PIK3C2G: variants seen among roughly 807,000 people sequenced by gnomAD.
PIK3C2G encodes phosphatidylinositol 3-kinase C2 domain-containing subunit gamma.
Under a neutral mutation model 181.1 loss-of-function variants are expected in PIK3C2G, and 168 were observed. That is an observed-to-expected ratio of 0.93 (90% CI 0.82 to 1.05). The LOEUF is 1.05. Ranked by LOEUF, PIK3C2G falls within the 50% of genes least tolerant of loss-of-function variation. The pLI is 0.00. For missense variants in PIK3C2G, 1,869 were observed against 1,732.8 expected, an observed-to-expected ratio of 1.08 and a Z score of -1.40; for synonymous variants, 573 against 592.2, an observed-to-expected ratio of 0.97 and a Z score of 0.47.
At chr12:18,438,106 C>T (rs1946545257) in intron 18 of PIK3C2G, among the ~76,000 whole-genome samples, 1 of 151,816 alleles carries the variant, frequency 6.6e-6, no homozygotes, top group African/African-American at 2.4e-5. Context: ...ATTTTTCCAA[C>T]CCTTTTGTCT....
At chr12:18,607,157 G>A (rs200343958) in intron 30 of PIK3C2G, 21 of 516,188 alleles carry the variant, frequency 4.1e-5, no homozygotes, top group Non-Finnish European at 6.6e-5. Flanking sequence ...ACTATTTTGC[G>A]TTTTAATTAA....
chr12:18,695,119 G>A, the PIK3C2G span: 4 of 1,573,630 alleles, frequency 2.5e-6, no homozygotes, highest in South Asian at 1.1e-5. Context: ...AGGTAATAGA[G>A]AATACAAATA....
chr12:18,657,131 T>C, the PIK3C2G span, among the ~76,000 whole-genome samples: 1 of 152,142 alleles, frequency 6.6e-6, no homozygotes, highest in Non-Finnish European at 1.5e-5. Context: ...AGTGCTGAGG[T>C]GACTACCCAG....
At chr12:18,308,665 C>G (rs1265108685) in intron 5 of PIK3C2G, among the ~76,000 whole-genome samples, 1 of 151,522 alleles carries the variant, frequency 6.6e-6, no homozygotes, top group Non-Finnish European at 1.5e-5. Context: ...GTCTCAGAAT[C>G]CTTTAAACTC....
intron 1 of PIK3C2G, among the ~76,000 whole-genome samples, chr12:18,274,480 A>T (rs997464425): frequency 6.6e-6 from 1 of 152,242 alleles, no homozygotes; most frequent in Non-Finnish European, 1.5e-5. Flanking sequence ...ACCATAAAAA[A>T]TGATGAGTTC....
At chr12:18,399,632 A>T in intron 15 of PIK3C2G, 27 bp from the exon 16 acceptor site, 1 of 1,472,934 alleles carries the variant, frequency 6.8e-7, no homozygotes, top group Non-Finnish European at 9.3e-7. Context: ...ACTCCAGTAA[A>T]TTACAGTTTC....
At chr12:18,263,940 G>T (rs904135444) in intron 1 of PIK3C2G, among the ~76,000 whole-genome samples, 3 of 151,778 alleles carry the variant, frequency 2.0e-5, no homozygotes, top group Admixed American at 2.0e-4. Flanking sequence ...ATTTATATTT[G>T]TGCTTCAGCT....
the PIK3C2G span, among the ~76,000 whole-genome samples, chr12:18,679,329 A>G: frequency 2.6e-5 from 4 of 152,162 alleles, no homozygotes; most frequent in African/African-American, 9.6e-5. Context: ...CATTTATTTT[A>G]TGCCTCATGC....
chr12:18,712,947 G>A, the PIK3C2G span: 1 of 1,613,904 alleles, frequency 6.2e-7, no homozygotes, highest in Non-Finnish European at 8.5e-7. Flanking sequence ...CTCCATCCCA[G>A]CAGTCAATCT....
At chr12:18,515,334 G>A (rs1229946566) in intron 24 of PIK3C2G, among the ~76,000 whole-genome samples, 1 of 151,944 alleles carries the variant, frequency 6.6e-6, no homozygotes, top group African/African-American at 2.4e-5. Flanking sequence ...GAATTCAGCA[G>A]TAAAACCATC....
Position 18,441,456 on chromosome 12 carries a change from T to C in PIK3C2G, c.2504+17417T>C, listed in dbSNP as rs1440754335. On this transcript the variant is annotated intron_variant, in intron 18 of 32. Coordinates refer to ENST00000538779, the MANE Select transcript of PIK3C2G (RefSeq NM_001288772.2). ...AAATATACTGGTGGGAAAAATCAAA[T>C]AGAGAGGGCAACATTGATGAGACGG... is the stretch of plus-strand genomic sequence containing the variant. 2.6e-5 allele frequency among the ~76,000 whole-genome samples: 4 copies of C among 152,048 alleles called. No individual in the cohort carries two copies. In the East Asian group the frequency reaches 5.8e-4, roughly 22 times the overall value.
the PIK3C2G span, chr12:18,693,318 C>T: frequency 0.14 from 223,353 of 1,544,748 alleles, 17,561 homozygotes; most frequent in African/African-American, 0.21. Flanking sequence ...AAAGGCCCCC[C>T]AAGAGACCTA....
chr12:18,557,031 G>A (rs536083852), intron 26 of PIK3C2G, among the ~76,000 whole-genome samples: 2 of 152,160 alleles, frequency 1.3e-5, no homozygotes, highest in African/African-American at 4.8e-5. Flanking sequence ...TGTAAAGAAG[G>A]CATTGCATGA....
At chr12:18,665,496 T>C in the PIK3C2G span, among the ~76,000 whole-genome samples, 7 of 152,164 alleles carry the variant, frequency 4.6e-5, no homozygotes, top group African/African-American at 7.2e-5. Context: ...GATAATTATA[T>C]AAAACAATAA....
rs865897918 is a variant in PIK3C2G at position 18,509,492 on chromosome 12, C to T, written c.3323+4031C>T. 9.2e-5 allele frequency among the ~76,000 whole-genome samples: 14 copies of T among 152,334 alleles called. 1 individual carries two copies. In the South Asian group the frequency reaches 1.4e-3, roughly 16 times the overall value. On this transcript the variant is annotated intron_variant, in intron 24 of 32. Transcript: ENST00000538779. ...TCATGCTTACATCACCATTCCGGAA[C>T]ATCTCACACTAAGCATCTGTGTTAC...
At chr12:18,258,874 T>C (rs1459619386), upstream of PIK3C2G, among the ~76,000 whole-genome samples, 1 of 152,162 alleles carries the variant, frequency 6.6e-6, no homozygotes, top group Non-Finnish European at 1.5e-5. Flanking sequence ...ATAAAGAATT[T>C]CATATTCTAT....
At chr12:18,410,190 G>A (rs773476007) in intron 16 of PIK3C2G, among the ~76,000 whole-genome samples, 40 of 152,092 alleles carry the variant, frequency 2.6e-4, no homozygotes, top group Non-Finnish European at 5.4e-4. Context: ...TAGCTGACTA[G>A]CAAATTTTAG....
Position 18,282,369 on chromosome 12 carries a change from C to G in PIK3C2G, c.288C>G (p.Leu96=). Reference sequence around the variant, plus strand: ...AATTCACTTCTAAAAGCCGTGAACTCTCCTGGCATCAAGTTAGCAAAGCAC... The same window carrying G: ...AATTCACTTCTAAAAGCCGTGAACTGTCCTGGCATCAAGTTAGCAAAGCAC... ...LNEFTSKSRE[L]SWHQVSKAPA... The change falls in exon 2 of 33, where the codon CTC becomes CTG. Residue 96 remains leucine (L), a synonymous_variant. Coordinates refer to ENST00000538779, the MANE Select transcript of PIK3C2G (RefSeq NM_001288772.2). 1 of 1,613,676 alleles carries G rather than the reference C, an allele frequency of 6.2e-7. No individual in the cohort carries two copies. Among genetic ancestry groups the G allele is most frequent in the East Asian group, 2.2e-5 (1 of 44,866 alleles).
chr12:18,413,614 G>A (rs1944996256), intron 16 of PIK3C2G, among the ~76,000 whole-genome samples: 1 of 151,952 alleles, frequency 6.6e-6, no homozygotes, highest in African/African-American at 2.4e-5. Flanking sequence ...TGTAATTAAG[G>A]TCCTAGTTGA....
Sources: allele counts gnomAD v4.1 joint callset (sites outside exome capture counted in the v4.1 genomes callset), GRCh38; gene constraint gnomAD v4.1.1; transcripts MANE v1.5; gene names NCBI Gene and HGNC (gene_info 2026-07-23, HGNC 2026-07-21).